Variants in ZNF69 observed in about 807,000 individuals in gnomAD.
ZNF69 encodes ZNF3.
ZNF69 carries 47 observed loss-of-function variants against 50.9 expected under a neutral mutation model. The ratio of observed to expected loss-of-function variants is 0.92; its 90% confidence interval spans 0.73 to 1.18. ZNF69 has a LOEUF of 1.18. Ranked by LOEUF, ZNF69 falls within the 50% of genes most tolerant of loss-of-function variation. The pLI is 0.00. For synonymous variants in ZNF69, 216 were observed against 223.1 expected, an observed-to-expected ratio of 0.97 and a Z score of 0.29; for missense variants, 717 against 675.1, an observed-to-expected ratio of 1.06 and a Z score of -0.69.
the ZNF69 span, among the ~76,000 whole-genome samples, chr19:11,929,604 A>AT: frequency 1.4e-5 from 2 of 148,028 alleles, 1 homozygote; most frequent in African/African-American, 5.3e-5. Context: ...TTTAAATTCG[A>AT]TTTCAGGGTC....
chr19:11,976,072 T>C, the ZNF69 span, among the ~76,000 whole-genome samples: 2 of 145,954 alleles, frequency 1.4e-5, no homozygotes, highest in African/African-American at 5.1e-5. Flanking sequence ...GCATGCCGGA[T>C]TTGGGTGGTC....
At chr19:11,924,874 C>A in the ZNF69 span, among the ~76,000 whole-genome samples, 2 of 152,230 alleles carry the variant, frequency 1.3e-5, no homozygotes. Flanking sequence ...GTGTTCTCTT[C>A]TATCAATAGC....
chr19:11,975,068 TGTCATAGTACGGGCCAAGA>T, the ZNF69 span, among the ~76,000 whole-genome samples: 1 of 152,144 alleles, frequency 6.6e-6, no homozygotes, highest in African/African-American at 2.4e-5. Flanking sequence ...GTTTCTTGCA[TGTCATAGTACGGGCCAAGA>T]TGTTATTTTC....
chr19:11,960,454 A>G, the ZNF69 span, among the ~76,000 whole-genome samples: 8 of 152,074 alleles, frequency 5.3e-5, 1 homozygote, highest in Admixed American at 5.2e-4. Context: ...TTCTGCCCAG[A>G]TAATTTTTAA....
At chr19:11,947,351 G>T in the ZNF69 span, 5 of 1,611,728 alleles carry the variant, frequency 3.1e-6, no homozygotes, top group African/African-American at 6.7e-5. Flanking sequence ...TAGCAAACCA[G>T]TGTTTCTAGC....
the ZNF69 span, among the ~76,000 whole-genome samples, chr19:11,921,814 A>C: frequency 6.6e-6 from 1 of 152,212 alleles, no homozygotes; most frequent in Non-Finnish European, 1.5e-5. Context: ...TGAAATGGAA[A>C]TATTTCAAAG....
At chr19:11,950,270 G>A in the ZNF69 span, 1 of 1,592,542 alleles carries the variant, frequency 6.3e-7, no homozygotes, top group African/African-American at 1.4e-5. Context: ...TCCTTTTATG[G>A]ACATGAATAG....
At chr19:11,961,169 G>A in the ZNF69 span, among the ~76,000 whole-genome samples, 2 of 152,110 alleles carry the variant, frequency 1.3e-5, no homozygotes, top group Non-Finnish European at 2.9e-5. Context: ...ATTTGGACAC[G>A]ACGAACCTTT....
the ZNF69 span, among the ~76,000 whole-genome samples, chr19:11,962,140 GGGCGTGGT>G: frequency 1.3e-5 from 2 of 152,122 alleles, no homozygotes; most frequent in South Asian, 4.2e-4. Context: ...GTGGGAGGAC[GGGCGTGGT>G]GGCTCACACC....
At chr19:11,948,673 A>G in the ZNF69 span, 4 of 1,612,558 alleles carry the variant, frequency 2.5e-6, no homozygotes, top group East Asian at 2.2e-5. Context: ...GGTAATGCAC[A>G]GTGGGGATGG....
At chr19:11,938,798 C>T in the ZNF69 span, among the ~76,000 whole-genome samples, 1 of 152,152 alleles carries the variant, frequency 6.6e-6, no homozygotes, top group Non-Finnish European at 1.5e-5. Flanking sequence ...GAGGAATCAC[C>T]ACACTGTCTT....
the ZNF69 span, among the ~76,000 whole-genome samples, chr19:11,955,721 T>C: frequency 6.6e-6 from 1 of 152,222 alleles, no homozygotes; most frequent in East Asian, 1.9e-4. Context: ...GTATAGTAGA[T>C]AATCAGTGAA....
chr19:11,974,125 C>CT, the ZNF69 span, among the ~76,000 whole-genome samples: 11 of 60,986 alleles, frequency 1.8e-4, no homozygotes, highest in Admixed American at 1.7e-3. Flanking sequence ...TTCTTTCTTT[C>CT]TTTTCTTTCT....
the ZNF69 span, chr19:11,979,616 G>A: frequency 5.0e-6 from 8 of 1,605,922 alleles, no homozygotes; most frequent in South Asian, 5.5e-5. Flanking sequence ...TCACACTGGA[G>A]AGAAACCCTA....
At chr19:11,954,996 ATTTT>A in the ZNF69 span, among the ~76,000 whole-genome samples, 7,274 of 101,672 alleles carry the variant, frequency 0.072, 234 homozygotes, top group African/African-American at 0.18. Flanking sequence ...TTTCAAAAAA[ATTTT>A]TTTTTTTTTT....
At chr19:11,956,417 C>T in the ZNF69 span, 2 of 393,940 alleles carry the variant, frequency 5.1e-6, no homozygotes, top group Non-Finnish European at 4.5e-6. Context: ...AGGTAAGTGC[C>T]TTATAATTTC....
At chr19:11,947,274 A>T in the ZNF69 span, 1 of 1,614,082 alleles carries the variant, frequency 6.2e-7, no homozygotes, top group Non-Finnish European at 8.5e-7. Flanking sequence ...CAGGGAAGTG[A>T]TGCTGGAAAC....
the ZNF69 span, among the ~76,000 whole-genome samples, chr19:11,959,061 G>A: frequency 2.6e-5 from 4 of 151,950 alleles, no homozygotes; most frequent in Non-Finnish European, 4.4e-5. Flanking sequence ...TTTTGTGTGT[G>A]TTTTTAGTAG....
chr19:11,968,589 T>C, the ZNF69 span, among the ~76,000 whole-genome samples: 13 of 152,232 alleles, frequency 8.5e-5, no homozygotes, highest in Non-Finnish European at 1.6e-4. Context: ...GAGCTTGTTT[T>C]CTTTTCTTTC....
Sources: gnomAD v4.1 joint callset for allele counts (sites outside exome capture counted in the v4.1 genomes callset) on GRCh38, gnomAD v4.1.1 for gene constraint, MANE v1.5 for transcripts, NCBI Gene and HGNC (gene_info 2026-07-23, HGNC 2026-07-21) for gene names.